CEBPZOS: variants seen among roughly 807,000 people sequenced by gnomAD.
CEBPZOS encodes the protein protein CEBPZOS.
CEBPZOS carries 10 observed loss-of-function variants against 4.8 expected under a neutral mutation model. That is an observed-to-expected ratio of 2.07 (90% confidence interval 1.28 to 3.52). The LOEUF (loss-of-function observed/expected upper bound fraction) is 3.52. CEBPZOS is among the 30% of genes most tolerant of loss of function. The pLI is 0.00. For missense variants in CEBPZOS, 98 were observed against 43.6 expected, an observed-to-expected ratio of 2.25 and a Z score of -3.51; for synonymous variants, 25 against 14.2, an observed-to-expected ratio of 1.77 and a Z score of -1.72.
rs971298864 is a variant in CEBPZOS at position 37,200,910 on chromosome 2, C to A, written c.116-138C>A. 2.1e-5 allele frequency: 12 copies of A among 584,860 alleles called. No individual in the cohort carries two copies. In the African/African-American group the frequency reaches 2.3e-4, roughly 11 times the overall value. The allele number at this position is 584,860 out of a possible 1,614,324, so 36.2% of individuals were successfully genotyped here. A position where few individuals can be genotyped will look rare whatever the true frequency, so the allele number is the denominator to read the frequency against. ...ACAAAAGGAGATCGTTCCTGGATTA[C>A]CAGAAAGACCTTCAAACAAATTTCT... On this transcript the variant is annotated intron_variant, in intron 2 of 4. Coordinates refer to ENST00000402297, the MANE Select transcript of CEBPZOS (RefSeq NM_001322374.2).
downstream of CEBPZOS, among the ~76,000 whole-genome samples, chr2:37,205,869 A>G (rs1677521030): frequency 6.6e-6 from 1 of 152,094 alleles, no homozygotes; most frequent in Admixed American, 6.6e-5. Context: ...AAATGTTAAA[A>G]AACAATTAGC....
In CEBPZOS at chr2:37,210,310, A is replaced by G. The variant is rs575735143; in HGVS notation, c.*3-3127A>G. 5.9e-5 allele frequency: 9 copies of G among 152,344 alleles called. No individual in the cohort carries two copies. The East Asian group carries it at 1.5e-3, about 26-fold the overall frequency. 9.4% of individuals were successfully genotyped at this position (152,344 alleles called of 1,614,324 possible). On this transcript the variant is annotated intron_variant, in intron 4 of 4. Coordinates refer to the CEBPZOS transcript ENST00000397064. ...AGAGGAAAATAAGTCATTATATAAA[A>G]AAGACAAACACACAGATTTATAGTA... is the stretch of plus-strand genomic sequence containing the variant.
chr2:37,204,299 G>C lies in CEBPZOS; in HGVS notation c.*2439G>C, dbSNP rs1484945982. On this transcript the variant is annotated 3_prime_UTR_variant, in exon 5 of 5. Transcript: ENST00000402297. ...TTGATTTTTTTTTTTTTTTTTTTGAGACAGAGTCTCGCTTTGTCGCCAGGC... is the reference window on the plus strand; with the variant it reads ...TTGATTTTTTTTTTTTTTTTTTTGACACAGAGTCTCGCTTTGTCGCCAGGC... The C allele has an allele frequency of 8.6e-6, 1 of 115,870 alleles. No individual in the cohort carries two copies. Among genetic ancestry groups the C allele is most frequent in the African/African-American group, 3.3e-5 (1 of 30,194 alleles). 7.2% of individuals were successfully genotyped at this position (115,870 alleles called of 1,614,324 possible).
At chr2:37,199,871 T>C in intron 2 of CEBPZOS, 52 bp downstream of exon 2, 2 of 693,534 alleles carry the variant, frequency 2.9e-6, no homozygotes, top group Admixed American at 4.3e-5. Flanking sequence ...GTTTTGCTAA[T>C]CCATTTTATG....
At chr2:37,200,902 C>T (rs959470103) in intron 2 of CEBPZOS, 146 bp from the exon 3 acceptor site, 3 of 576,450 alleles carry the variant, frequency 5.2e-6, no homozygotes, top group Non-Finnish European at 9.4e-6. Flanking sequence ...GAGATCGTTC[C>T]TGGATTACCA....
downstream of CEBPZOS, chr2:37,208,958 A>C (rs77744518): frequency 1.1e-4 from 16 of 152,220 alleles, no homozygotes; most frequent in East Asian, 3.1e-3. Context: ...ATACAAAATC[A>C]ATGTGCGCAA....
At chr2:37,199,874 AT>A in intron 2 of CEBPZOS, 55 bp downstream of exon 2, 3 of 685,590 alleles carry the variant, frequency 4.4e-6, no homozygotes, top group Non-Finnish European at 8.2e-6. Context: ...TTGCTAATCC[AT>A]TTTATGTGTT....
chr2:37,203,865 T>C lies in CEBPZOS; in HGVS notation c.*2005T>C, dbSNP rs1293346560. Reference sequence around the variant, plus strand: ...ACGTTTTTGAGGCTCATCCATGTTGTAGTACTCCATGCCATGTTGTGGGCT... The same window carrying C: ...ACGTTTTTGAGGCTCATCCATGTTGCAGTACTCCATGCCATGTTGTGGGCT... On this transcript the variant is annotated 3_prime_UTR_variant, in exon 5 of 5. Transcript: ENST00000402297. 1 of 152,214 alleles carries C rather than the reference T, an allele frequency of 6.6e-6. No individual in the cohort carries two copies. The highest frequency in any genetic ancestry group is 1.5e-5 in the Non-Finnish European group (1 of 68,032). The allele number at this position is 152,214 out of a possible 1,614,324, so 9.4% of individuals were successfully genotyped here. A position where few individuals can be genotyped will look rare whatever the true frequency, so the allele number is the denominator to read the frequency against.
chr2:37,212,939 T>C (rs1677773892), intron 4 of CEBPZOS, among the ~76,000 whole-genome samples: 2 of 150,552 alleles, frequency 1.3e-5, no homozygotes, highest in African/African-American at 4.9e-5. Flanking sequence ...CCCGTGGGGC[T>C]GAGGCAGGAA....
At position 37,202,175 on chromosome 2, in the gene CEBPZOS, G is replaced by T; in HGVS notation, c.*315G>T. The T allele has an allele frequency of 4.5e-4, 85 of 188,688 alleles. No individual in the cohort carries two copies. The highest frequency in any genetic ancestry group is 7.9e-4 in the East Asian group (7 of 8,864). The allele number at this position is 188,688 out of a possible 1,614,324, so 11.7% of individuals were successfully genotyped here. A position where few individuals can be genotyped will look rare whatever the true frequency, so the allele number is the denominator to read the frequency against. On this transcript the variant is annotated 3_prime_UTR_variant, in exon 5 of 5. Transcript: ENST00000402297. ...ACTTTTACTGGTGAAATAAAAACCA[G>T]TAACAATCAATATGTAAAAACGGCC...
Sources: gnomAD v4.1 joint callset for allele counts (sites outside exome capture counted in the v4.1 genomes callset) on GRCh38, gnomAD v4.1.1 for gene constraint, MANE v1.5 for transcripts, NCBI Gene and HGNC (gene_info 2026-07-23, HGNC 2026-07-21) for gene names.